The following DNMT1 variants were observed in gnomAD, a reference collection of about 807,000 sequenced individuals.
DNMT1 encodes the protein DNA methyltransferase 1.
DNMT1 carries 24 observed loss-of-function variants against 205.3 expected under a neutral mutation model. The ratio of observed to expected loss-of-function variants is 0.12; its 90% CI spans 0.08 to 0.16. The LOEUF is 0.16. Ranked by LOEUF, DNMT1 falls within the 10% of genes least tolerant of loss-of-function variation. The pLI is 1.00. For synonymous variants in DNMT1, 817 were observed against 839.8 expected, an observed-to-expected ratio of 0.97 and a Z score of 0.47; for missense variants, 1,293 against 2,177.7, an observed-to-expected ratio of 0.59 and a Z score of 8.09.
intron 12 of DNMT1, chr19:10,162,964 CTTTTTTTT>C (rs397859775): frequency 5.7e-6 from 2 of 352,826 alleles, no homozygotes; most frequent in Non-Finnish European, 9.9e-6. Flanking sequence ...CTAGAACAGG[CTTTTTTTT>C]TTTTTTTTTT....
At chr19:10,178,208 G>A (rs2038972366) in intron 5 of DNMT1, among the ~76,000 whole-genome samples, 1 of 151,750 alleles carries the variant, frequency 6.6e-6, no homozygotes, top group African/African-American at 2.4e-5. Flanking sequence ...GGTGAGCCGA[G>A]ATTGTGCCAC....
chr19:10,174,257 C>CA (rs1016433092), intron 7 of DNMT1, among the ~76,000 whole-genome samples: 3 of 151,880 alleles, frequency 2.0e-5, no homozygotes, highest in Non-Finnish European at 2.9e-5. Flanking sequence ...CTCATCTCTA[C>CA]AAAAAATACA....
intron 24 of DNMT1, among the ~76,000 whole-genome samples, chr19:10,150,897 GC>G (rs1188340715): frequency 6.6e-6 from 1 of 152,084 alleles, no homozygotes; most frequent in African/African-American, 2.4e-5. Flanking sequence ...TTCGAGAATG[GC>G]CTGGGCAACA....
intron 11 of DNMT1, among the ~76,000 whole-genome samples, chr19:10,163,614 G>A (rs953896856): frequency 6.6e-6 from 1 of 152,166 alleles, no homozygotes; most frequent in African/African-American, 2.4e-5. Flanking sequence ...AACTGTTTTT[G>A]TAAGAGCCAG....
intron 33 of DNMT1, 69 bp downstream of exon 33, chr19:10,139,977 A>G: frequency 6.2e-7 from 1 of 1,600,796 alleles, no homozygotes; most frequent in Non-Finnish European, 8.5e-7. Flanking sequence ...CAGGGCGAAA[A>G]TGACCACTGC....
Position 10,194,874 on chromosome 19 carries a change from C to G in DNMT1, c.26G>C (p.Arg9Pro). The G allele has an allele frequency of 6.2e-7, 1 of 1,610,612 alleles. No homozygotes were observed. The highest frequency in any genetic ancestry group is 8.5e-7 in the Non-Finnish European group (1 of 1,178,876). ...GGCCGGGACGGCCAGTGTGGGCACC[C>G]GGGCTGGGGCGGTACGCGCCGGCAT... is the stretch of plus-strand genomic sequence containing the variant. MPARTAPA[R>P]VPTLAVPAIS... Residue 9 changes from arginine (R) to proline (P), a missense_variant, in exon 1 of 41, where the codon CGG (arginine) becomes CCG (proline). This residue lies in a region of DNMT1 where 394 missense variants were observed against 451.6 expected (regional missense o/e 0.87). Coordinates refer to ENST00000359526, the MANE Select transcript of DNMT1 (RefSeq NM_001130823.3).
chr19:10,175,485 A>C, intron 7 of DNMT1, 55 bp downstream of exon 7: 3 of 1,601,642 alleles, frequency 1.9e-6, no homozygotes, highest in South Asian at 2.2e-5. Flanking sequence ...TGAAGTCACA[A>C]TCATCAAATA....
At chr19:10,166,061 C>T (rs1011672916) in intron 11 of DNMT1, among the ~76,000 whole-genome samples, 7 of 152,150 alleles carry the variant, frequency 4.6e-5, no homozygotes, top group Non-Finnish European at 8.8e-5. Flanking sequence ...GATGACCTAG[C>T]TCCCTTCCCT....
chr19:10,180,241 G>A lies in DNMT1; in HGVS notation c.446-7C>T. 1.5e-6 allele frequency: 2 copies of A among 1,342,790 alleles called. No homozygotes were observed. Among genetic ancestry groups the A allele is most frequent in the Non-Finnish European group, 2.1e-6 (2 of 964,448 alleles). The allele number at this position is 1,342,790 out of a possible 1,614,324, so 83.2% of individuals were successfully genotyped here. A position where few individuals can be genotyped will look rare whatever the true frequency, so the allele number is the denominator to read the frequency against. Reference sequence around the variant, plus strand: ...GCAGGAGGGTCTCTTGAACCTGGGAGGCAGAGGTTACAGTGAGCCGAGGTT... The same window carrying A: ...GCAGGAGGGTCTCTTGAACCTGGGAAGCAGAGGTTACAGTGAGCCGAGGTT... On this transcript the variant is annotated splice_region_variant and splice_polypyrimidine_tract_variant and intron_variant, in intron 4 of 40. Coordinates refer to ENST00000359526, the MANE Select transcript of DNMT1 (RefSeq NM_001130823.3).
rs370736399 is a variant in DNMT1 at position 10,146,083 on chromosome 19, G to A, written c.2894+268C>T. Among the ~76,000 whole-genome samples the A allele has an allele frequency of 2.0e-4, 31 of 152,180 alleles. No individual in the cohort carries two copies. In the East Asian group the frequency reaches 4.4e-3, roughly 22 times the overall value. ...ACCTCAGATGATTCCCCACTGCCTC[G>A]GCCTCCCAAAGCGCTGGGATTACAG... On this transcript the variant is annotated intron_variant, in intron 28 of 40. Transcript: ENST00000359526. This position sits in a 1 kb window ranked among gnomAD's most constrained non-coding sequence, Gnocchi z 4.4.
At chr19:10,189,734 T>C (rs2039264395) in intron 1 of DNMT1, among the ~76,000 whole-genome samples, 1 of 152,108 alleles carries the variant, frequency 6.6e-6, no homozygotes, top group Non-Finnish European at 1.5e-5. Context: ...TAATAACTTT[T>C]ACACATACTA....
rs548747998 is a variant in DNMT1, at chr19:10,156,217, A to C, written c.1399+174T>G. 6.7e-6 allele frequency among the ~76,000 whole-genome samples: 1 copy of C among 149,956 alleles called. No homozygotes were observed. Among genetic ancestry groups the C allele is most frequent in the Non-Finnish European group, 1.5e-5 (1 of 67,568 alleles). On this transcript the variant is annotated intron_variant, in intron 18 of 40. Coordinates refer to ENST00000359526, the MANE Select transcript of DNMT1 (RefSeq NM_001130823.3). The surrounding 1 kb of genome is among the most constrained non-coding windows in gnomAD (Gnocchi z 4.2). ...TGTATACTATATATATATGCTATAT[A>C]TTTTTTTTTAATAGAGGCAGGCTCT...
chr19:10,180,766 G>T lies in DNMT1; in HGVS notation c.225+12C>A. On this transcript the variant is annotated intron_variant, in intron 3 of 40. Coordinates refer to ENST00000359526, the MANE Select transcript of DNMT1 (RefSeq NM_001130823.3). ...ATTTTTCTAGAGGCTAGGATGCTGA[G>T]AACTGACTTACCTCGGATAATTCTT... The T allele has an allele frequency of 6.2e-7, 1 of 1,612,608 alleles. No homozygotes were observed. The highest frequency in any genetic ancestry group is 1.1e-5 in the South Asian group (1 of 91,032).
In DNMT1 at chr19:10,191,596, T is replaced by C. The variant is rs138253084; in HGVS notation, c.80+3224A>G. On this transcript the variant is annotated intron_variant, in intron 1 of 40. Coordinates refer to ENST00000359526, the MANE Select transcript of DNMT1 (RefSeq NM_001130823.3). The stretch of plus-strand genomic sequence containing the variant: ...CAACAGAGCCCCTGAGCCAGTGGCC[T>C]ACTGGCAACCCCTGTTGAAGGGAAA... Among the ~76,000 whole-genome samples the C allele has an allele frequency of 2.5e-3, 386 of 152,250 alleles. 3 individuals are homozygous for C. The highest frequency in any genetic ancestry group is 9.0e-3 in the African/African-American group (374 of 41,550).
intron 13 of DNMT1, among the ~76,000 whole-genome samples, chr19:10,162,233 G>T (rs2038584190): frequency 6.6e-6 from 1 of 151,590 alleles, no homozygotes; most frequent in Admixed American, 6.6e-5. Flanking sequence ...CCGCCTCCTG[G>T]GTTCAAGCAA....
At position 10,156,815 on chromosome 19, in the gene DNMT1, A is replaced by C. The variant is rs2038466302; in HGVS notation, c.1281-306T>G. Among the ~76,000 whole-genome samples the C allele has an allele frequency of 6.6e-6, 1 of 151,820 alleles. No homozygotes were observed. ...GTATTTTTAGTAGGGACGGGGTTTC[A>C]CTATGTGTAGCAGGCTGGTCTCAAA... On this transcript the variant is annotated intron_variant, in intron 17 of 40. Coordinates refer to ENST00000359526, the MANE Select transcript of DNMT1 (RefSeq NM_001130823.3). This position sits in a 1 kb window ranked among gnomAD's most constrained non-coding sequence, Gnocchi z 4.2.
Position 10,175,635 on chromosome 19 carries a change from G to T in DNMT1, c.570-17C>A. ...TTGGCAGGGCTGTCACACACAGTGAGGCCAACCATTAGTGGAACAAGACCC... is the reference window on the plus strand; with the variant it reads ...TTGGCAGGGCTGTCACACACAGTGATGCCAACCATTAGTGGAACAAGACCC... On this transcript the variant is annotated splice_polypyrimidine_tract_variant and intron_variant, in intron 6 of 40. Coordinates refer to ENST00000359526, the MANE Select transcript of DNMT1 (RefSeq NM_001130823.3). 1 of 1,613,912 alleles carries T rather than the reference G, an allele frequency of 6.2e-7. No homozygotes were observed. The highest frequency in any genetic ancestry group is 1.1e-5 in the South Asian group (1 of 91,072).
At chr19:10,147,036 G>C (rs1568228504) in intron 27 of DNMT1, among the ~76,000 whole-genome samples, 1 of 152,054 alleles carries the variant, frequency 6.6e-6, no homozygotes, top group Non-Finnish European at 1.5e-5. Flanking sequence ...AGGCAGGAGG[G>C]TCGCTTGAGC....
At chr19:10,157,130 A>G (rs983748289) in intron 17 of DNMT1, among the ~76,000 whole-genome samples, 12 of 152,084 alleles carry the variant, frequency 7.9e-5, no homozygotes, top group African/African-American at 2.7e-4. Context: ...GCTGCAGAAC[A>G]TTTCTGTCAC....
Sources: allele counts gnomAD v4.1 joint callset (sites outside exome capture counted in the v4.1 genomes callset), GRCh38; gene constraint gnomAD v4.1.1; regional missense constraint gnomAD v4.1.1; non-coding constraint Gnocchi (gnomAD v3.1); transcripts MANE v1.5; gene names NCBI Gene and HGNC (gene_info 2026-07-23, HGNC 2026-07-21).